The following QTMAN variants were observed in gnomAD, a reference collection of about 807,000 sequenced individuals.
QTMAN encodes tRNA-queuosine alpha-mannosyltransferase.
chr2:144,170,566 G>T, the QTMAN span, among the ~76,000 whole-genome samples: 316 of 152,212 alleles, frequency 2.1e-3, no homozygotes, highest in Non-Finnish European at 3.3e-3. Flanking sequence ...TCCAAAGGGA[G>T]ATATTATCTG....
chr2:144,057,024 T>C, the QTMAN span, among the ~76,000 whole-genome samples: 1 of 152,212 alleles, frequency 6.6e-6, no homozygotes, highest in East Asian at 1.9e-4. Flanking sequence ...AATTGCACCT[T>C]TGTGTAATAC....
At chr2:143,965,188 A>T in the QTMAN span, among the ~76,000 whole-genome samples, 1 of 152,110 alleles carries the variant, frequency 6.6e-6, no homozygotes, top group East Asian at 1.9e-4. Flanking sequence ...AGTCTGATGC[A>T]GATGCTTTAT....
the QTMAN span, among the ~76,000 whole-genome samples, chr2:144,041,073 T>C: frequency 2.0e-5 from 3 of 152,250 alleles, no homozygotes; most frequent in African/African-American, 7.2e-5. Context: ...GAAAATTTAC[T>C]ATGTCAGATT....
At chr2:144,189,224 C>T in the QTMAN span, among the ~76,000 whole-genome samples, 1 of 152,178 alleles carries the variant, frequency 6.6e-6, no homozygotes, top group African/African-American at 2.4e-5. Context: ...TGAGCTCAAG[C>T]AATCCCCTAG....
the QTMAN span, among the ~76,000 whole-genome samples, chr2:144,051,077 G>C: frequency 1.3e-5 from 2 of 152,078 alleles, no homozygotes; most frequent in Non-Finnish European, 2.9e-5. Context: ...TCATTATATT[G>C]AGTATGAAAA....
At chr2:144,254,021 G>A in the QTMAN span, among the ~76,000 whole-genome samples, 1 of 152,212 alleles carries the variant, frequency 6.6e-6, no homozygotes, top group African/African-American at 2.4e-5. Context: ...TCCAGCCATG[G>A]CTAAAAGGGG....
At chr2:144,295,179 T>C in the QTMAN span, 2 of 152,218 alleles carry the variant, frequency 1.3e-5, no homozygotes, top group Admixed American at 1.3e-4. Flanking sequence ...ATGCGCCCTG[T>C]TGCATCCTGC....
the QTMAN span, among the ~76,000 whole-genome samples, chr2:144,012,635 T>C: frequency 6.6e-6 from 1 of 152,134 alleles, no homozygotes; most frequent in Non-Finnish European, 1.5e-5. Context: ...ACTGTCTTTT[T>C]GAGAGATTTT....
At chr2:144,066,118 TTTTTC>T in the QTMAN span, among the ~76,000 whole-genome samples, 2 of 152,210 alleles carry the variant, frequency 1.3e-5, no homozygotes, top group Non-Finnish European at 2.9e-5. Flanking sequence ...CAAGGTTCTT[TTTTTC>T]CCTTTTTCTT....
chr2:144,026,425 C>T, the QTMAN span, among the ~76,000 whole-genome samples: 1 of 151,926 alleles, frequency 6.6e-6, no homozygotes, highest in Non-Finnish European at 1.5e-5. Flanking sequence ...ACAGAAATTC[C>T]ATCTCAAAAA....
chr2:144,265,120 ATATCCATG>A, the QTMAN span, among the ~76,000 whole-genome samples: 1 of 152,224 alleles, frequency 6.6e-6, no homozygotes, highest in Non-Finnish European at 1.5e-5. Context: ...AAATATATAG[ATATCCATG>A]TATCAGTTTC....
At chr2:143,942,036 A>G in the QTMAN span, 1 of 164,238 alleles carries the variant, frequency 6.1e-6, no homozygotes, top group African/African-American at 2.4e-5. Flanking sequence ...ATTGCTTGAG[A>G]AAGGTCATAC....
At chr2:144,247,275 A>G in the QTMAN span, among the ~76,000 whole-genome samples, 1,658 of 152,334 alleles carry the variant, frequency 0.011, 34 homozygotes, top group African/African-American at 0.038. Context: ...ATGGAAAATT[A>G]TAAGTAGTTC....
the QTMAN span, among the ~76,000 whole-genome samples, chr2:144,106,445 G>A: frequency 6.6e-6 from 1 of 152,030 alleles, no homozygotes; most frequent in Non-Finnish European, 1.5e-5. Flanking sequence ...AAAAAGGCAG[G>A]GGTTGCAATC....
the QTMAN span, among the ~76,000 whole-genome samples, chr2:144,277,360 T>C: frequency 1.3e-5 from 2 of 152,158 alleles, no homozygotes. Flanking sequence ...ACCCCCACCA[T>C]AAATGTGTTC....
chr2:144,331,985 C>G, the QTMAN span, among the ~76,000 whole-genome samples: 1 of 152,210 alleles, frequency 6.6e-6, no homozygotes, highest in Admixed American at 6.5e-5. Context: ...CGAAGCACCC[C>G]AGCCAACTCA....
At chr2:144,059,834 T>C in the QTMAN span, among the ~76,000 whole-genome samples, 4 of 152,160 alleles carry the variant, frequency 2.6e-5, no homozygotes, top group Admixed American at 6.5e-5. Flanking sequence ...CCTTCACTTC[T>C]TGTCAATCAG....
chr2:144,056,681 G>A, the QTMAN span, among the ~76,000 whole-genome samples: 20 of 152,092 alleles, frequency 1.3e-4, no homozygotes, highest in Non-Finnish European at 2.6e-4. Flanking sequence ...GACTGCCCCA[G>A]TCTACACAAA....
chr2:144,233,063 G>A, the QTMAN span, among the ~76,000 whole-genome samples: 1 of 152,102 alleles, frequency 6.6e-6, no homozygotes, highest in Admixed American at 6.6e-5. Flanking sequence ...TATTCAATTT[G>A]TAAAAGACAT....
Sources: gnomAD v4.1 joint callset for allele counts (sites outside exome capture counted in the v4.1 genomes callset) on GRCh38, gnomAD v4.1.1 for gene constraint, MANE v1.5 for transcripts, NCBI Gene and HGNC (gene_info 2026-07-23, HGNC 2026-07-21) for gene names.